CD99: variants seen among roughly 807,000 people sequenced by gnomAD.
The protein encoded by CD99 is CD99 antigen.
Under a neutral mutation model 28.4 loss-of-function variants are expected in CD99, and 19 were observed. The observed-to-expected ratio is 0.67, with a 90% CI of 0.47 to 0.98. The LOEUF is 0.98. CD99 is among the 50% of genes least tolerant of loss of function. CD99 has a pLI of 0.00. For synonymous variants in CD99, 103 were observed against 92.1 expected (o/e 1.12, Z -0.67); for missense variants, 283 against 248.8 (o/e 1.14, Z -0.92).
intron 1 of CD99, 138 bp from the exon 2 acceptor site, chrX:2,714,284 C>T (rs1165106119): frequency 1.6e-6 from 1 of 642,292 alleles, no homozygotes; most frequent in Non-Finnish European, 2.7e-6. Context: ...GAAGAGAAAT[C>T]ACGCACCTTG....
At chrX:2,709,157 C>T (rs1489417517) in intron 1 of CD99, among the ~76,000 whole-genome samples, 1 of 152,092 alleles carries the variant, frequency 6.6e-6, no homozygotes, top group Non-Finnish European at 1.5e-5. Context: ...GCCATGGACA[C>T]ACACCAGACA....
At chrX:2,694,427 T>C (rs1187695180) in intron 1 of CD99, among the ~76,000 whole-genome samples, 1 of 152,042 alleles carries the variant, frequency 6.6e-6, no homozygotes, top group Non-Finnish European at 1.5e-5. Flanking sequence ...CGCGTTTGGC[T>C]CTGGTAAAAG....
intron 1 of CD99, among the ~76,000 whole-genome samples, chrX:2,707,349 G>C (rs2048169855): frequency 6.8e-6 from 1 of 147,670 alleles, no homozygotes; most frequent in Non-Finnish European, 1.5e-5. Flanking sequence ...GAAAAGAAAA[G>C]AAAAAAACAG....
intron 1 of CD99, among the ~76,000 whole-genome samples, chrX:2,700,522 ATGCATCCATCCATCCATGCG>A (rs1161083469): frequency 2.0e-5 from 3 of 151,464 alleles, no homozygotes; most frequent in Admixed American, 2.0e-4. Flanking sequence ...CCATTCATCC[ATGCATCCATCCATCCATGCG>A]TGCATCCATC....
intron 5 of CD99, among the ~76,000 whole-genome samples, chrX:2,722,148 C>T (rs28713690): frequency 9.4e-4 from 142 of 151,698 alleles, no homozygotes; most frequent in African/African-American, 3.3e-3. Context: ...AAAAACAAAC[C>T]TGCATCAATT....
Position 2,733,525 on chromosome X carries a change from C to T in CD99, c.476-4675C>T, listed in dbSNP as rs35030269. On this transcript the variant is annotated intron_variant, in intron 8 of 9. Transcript: ENST00000381192. ...CACGATGGGATTCTCAATCACATGG[C>T]GGATTCTCTGCCTTCAGTTCCATAT... The T allele has an allele frequency of 0.1, 77,718 of 775,896 alleles. 4,535 individuals are homozygous for T. The highest frequency in any genetic ancestry group is 0.13 in the African/African-American group (7,287 of 57,684). 48.1% of individuals were successfully genotyped at this position (775,896 alleles called of 1,614,324 possible).
chrX:2,692,085 C>A, intron 1 of CD99: 1 of 605,400 alleles, frequency 1.7e-6, no homozygotes, highest in Admixed American at 2.9e-5. Flanking sequence ...ATTCGGAAAA[C>A]AGAAAAAGTG....
chrX:2,730,410 G>C (rs916200123), intron 8 of CD99, among the ~76,000 whole-genome samples: 3 of 152,056 alleles, frequency 2.0e-5, no homozygotes, highest in African/African-American at 7.2e-5. Flanking sequence ...CTGACCTCAT[G>C]ATCCACCTGC....
At chrX:2,707,150 C>T (rs1040905709) in intron 1 of CD99, among the ~76,000 whole-genome samples, 13 of 151,954 alleles carry the variant, frequency 8.6e-5, no homozygotes, top group African/African-American at 3.1e-4. Flanking sequence ...GCCAACATGG[C>T]GAAACTCCAT....
At chrX:2,711,433 GTA>G (rs2048405437) in intron 1 of CD99, among the ~76,000 whole-genome samples, 1 of 143,974 alleles carries the variant, frequency 6.9e-6, no homozygotes, top group Admixed American at 6.9e-5. Context: ...TATAGTATGT[GTA>G]TGTGTGTATA....
At chrX:2,706,173 C>T (rs1434872541) in intron 1 of CD99, among the ~76,000 whole-genome samples, 3 of 152,050 alleles carry the variant, frequency 2.0e-5, no homozygotes, top group Non-Finnish European at 4.4e-5. Context: ...TCCTGGCTAC[C>T]ACGGTGAAAC....
chrX:2,740,258 G>A (rs312259), intron 9 of CD99, among the ~76,000 whole-genome samples: 38,064 of 151,978 alleles, frequency 0.25, 5,087 homozygotes, highest in African/African-American at 0.31. Flanking sequence ...ATTGGTATAT[G>A]TGTGTGGAGC....
At chrX:2,736,175 C>T (rs1289451932) in intron 8 of CD99, among the ~76,000 whole-genome samples, 4 of 148,920 alleles carry the variant, frequency 2.7e-5, no homozygotes, top group African/African-American at 9.9e-5. Flanking sequence ...GCGTTCCAGC[C>T]TGGGCGACAG....
intron 8 of CD99, chrX:2,733,610 G>C: frequency 1.9e-6 from 1 of 522,244 alleles, no homozygotes; most frequent in Non-Finnish European, 3.5e-6. Context: ...CTGCATAAGA[G>C]CTTCAGAAAA....
intron 1 of CD99, 91 bp downstream of exon 1, chrX:2,691,518 G>A: frequency 7.2e-7 from 1 of 1,392,288 alleles, no homozygotes; most frequent in Non-Finnish European, 9.8e-7. Context: ...GGGGCGCCCC[G>A]CGGGGACACC....
At chrX:2,729,378 C>T (rs1272112110) in intron 8 of CD99, among the ~76,000 whole-genome samples, 2 of 152,122 alleles carry the variant, frequency 1.3e-5, no homozygotes, top group East Asian at 3.9e-4. Flanking sequence ...CTGGATAATT[C>T]ATGAAGGAAA....
chrX:2,719,799 A>C, intron 4 of CD99, 94 bp downstream of exon 4: 1 of 1,341,914 alleles, frequency 7.5e-7, no homozygotes, highest in Non-Finnish European at 1.1e-6. Context: ...TTAAATTATA[A>C]AGGGAACCAG....
intron 2 of CD99, among the ~76,000 whole-genome samples, chrX:2,715,790 C>G (rs1296580724): frequency 6.6e-6 from 1 of 152,130 alleles, no homozygotes; most frequent in Admixed American, 6.5e-5. Flanking sequence ...GGCTGCATCA[C>G]TGTAGGCTCT....
intron 5 of CD99, among the ~76,000 whole-genome samples, chrX:2,721,224 T>C (rs1164082830): frequency 1.3e-5 from 2 of 152,142 alleles, no homozygotes; most frequent in African/African-American, 4.8e-5. Flanking sequence ...CAGAAGAATA[T>C]TAATGATGTC....
Sources: gnomAD v4.1 joint callset for allele counts (sites outside exome capture counted in the v4.1 genomes callset) on GRCh38, gnomAD v4.1.1 for gene constraint, MANE v1.5 for transcripts, NCBI Gene and HGNC (gene_info 2026-07-23, HGNC 2026-07-21) for gene names.